Variants in MORC1 observed in about 807,000 individuals in gnomAD.
The protein encoded by MORC1 is MORC family CW-type zinc finger protein 1.
MORC1 carries 59 observed loss-of-function variants against 134.9 expected under a neutral mutation model. The ratio of observed to expected loss-of-function variants is 0.44; its 90% CI spans 0.35 to 0.54. The LOEUF (loss-of-function observed/expected upper bound fraction) is 0.54. Among genes scored for constraint, MORC1 ranks in the 20% least tolerant of loss-of-function variants. The probability of loss-of-function intolerance (pLI) is 0.00; values close to 1 mark genes in which losing one functional copy is unlikely to be tolerated. For missense variants in MORC1, 947 were observed against 1,134.5 expected (o/e 0.83, Z 2.37); for synonymous variants, 395 against 391.7 (o/e 1.01, Z -0.10).
chr3:109,085,169 T>C (rs1318139074), intron 8 of MORC1, among the ~76,000 whole-genome samples: 1 of 151,846 alleles, frequency 6.6e-6, no homozygotes, highest in East Asian at 1.9e-4. Flanking sequence ...TATCTGTGTA[T>C]GTGTCTGTGT....
intron 16 of MORC1, among the ~76,000 whole-genome samples, chr3:109,031,398 T>C (rs1396742915): frequency 1.3e-5 from 2 of 152,182 alleles, no homozygotes; most frequent in Non-Finnish European, 2.9e-5. Context: ...TCACAGCTAA[T>C]AGAACCAGGA....
Position 108,958,968 on chromosome 3 carries a change from AT to A in MORC1, c.2951del (p.Asn984IlefsTer13). 1 of 1,490,184 alleles carries A rather than the reference AT, an allele frequency of 6.7e-7. No individual in the cohort carries two copies. 92.3% of individuals were successfully genotyped at this position (1,490,184 alleles called of 1,614,324 possible). On this transcript the variant is annotated frameshift_variant, in exon 28 of 28. Transcript: ENST00000232603. LOFTEE classifies it high-confidence loss of function. ...PLEKNEKTSE[N>X] ...AAAAGGTAATACCATCTCTGACTTA[AT>A]TTTCCGAAGTCTTTTCATTTTTTTC...
intron 11 of MORC1, among the ~76,000 whole-genome samples, chr3:109,060,532 C>T (rs1048703049): frequency 3.3e-5 from 5 of 151,770 alleles, no homozygotes; most frequent in Non-Finnish European, 5.9e-5. Context: ...GCTTCATTCA[C>T]CTGAGGTGAA....
chr3:108,968,117 A>G (rs761850536), intron 26 of MORC1, among the ~76,000 whole-genome samples: 19 of 152,228 alleles, frequency 1.2e-4, no homozygotes, highest in Non-Finnish European at 2.2e-4. Context: ...GATGAAAATA[A>G]TATTAGTGGT....
At chr3:109,108,170 C>A (rs555219611) in intron 3 of MORC1, among the ~76,000 whole-genome samples, 1 of 152,144 alleles carries the variant, frequency 6.6e-6, no homozygotes, top group Non-Finnish European at 1.5e-5. Context: ...GCCTGGGCAA[C>A]AGAGTGAGAC....
chr3:109,115,374 ATCCC>A (rs1951247884), intron 1 of MORC1, among the ~76,000 whole-genome samples: 1 of 151,924 alleles, frequency 6.6e-6, no homozygotes, highest in Non-Finnish European at 1.5e-5. Flanking sequence ...GAGAGAATAT[ATCCC>A]CACATTTTGG....
chr3:108,988,082 C>T (rs1299323915), intron 21 of MORC1, among the ~76,000 whole-genome samples: 1 of 152,078 alleles, frequency 6.6e-6, no homozygotes, highest in African/African-American at 2.4e-5. Flanking sequence ...ACCTGCTAAA[C>T]AAATGTAGTC....
intron 11 of MORC1, 58 bp from the exon 12 acceptor site, chr3:109,059,928 G>A: frequency 1.4e-6 from 2 of 1,421,022 alleles, no homozygotes; most frequent in Admixed American, 3.7e-5. Flanking sequence ...CAAAAAGCAA[G>A]TTGATATTAT....
chr3:109,074,786 T>C (rs1415071100), intron 8 of MORC1, among the ~76,000 whole-genome samples: 1 of 152,176 alleles, frequency 6.6e-6, no homozygotes, highest in Non-Finnish European at 1.5e-5. Flanking sequence ...GAAAGAGGTG[T>C]TGTAGGAAAA....
intron 8 of MORC1, among the ~76,000 whole-genome samples, chr3:109,086,701 T>A (rs929726269): frequency 6.6e-6 from 1 of 152,062 alleles, no homozygotes; most frequent in African/African-American, 2.4e-5. Context: ...TCAACCTGAA[T>A]GCCCACCAAC....
At position 108,984,767 on chromosome 3, in the gene MORC1, C is replaced by T; in HGVS notation, c.2273G>A (p.Cys758Tyr). 1.2e-6 allele frequency: 2 copies of T among 1,608,234 alleles called. No homozygotes were observed. The highest frequency in any genetic ancestry group is 1.7e-6 in the Non-Finnish European group (2 of 1,178,382). Residue 758 changes from cysteine (C) to tyrosine (Y), a missense_variant, in exon 23 of 28, where the codon TGC becomes TAC. By Grantham distance (194) the Cys-to-Tyr change is radical. Around this residue, in one of 3 missense-constraint regions of MORC1, gnomAD observed 722 missense variants for 817.0 expected, o/e 0.88. Transcript: ENST00000232603. Reference protein sequence around the residue: ...PLLNQEKQELCNDVLAMKRSS... With the variant: ...PLLNQEKQELYNDVLAMKRSS... ...TCTTTTCATTGCTAGAACATCATTG[C>T]ACAGCTCCTGTTTTTCTTCAAAAGA...
chr3:109,088,858 A>T (rs932090571), intron 8 of MORC1, among the ~76,000 whole-genome samples: 7 of 152,200 alleles, frequency 4.6e-5, no homozygotes, highest in African/African-American at 1.7e-4. Flanking sequence ...AATGTGGTAC[A>T]TATACCATGG....
intron 18 of MORC1, among the ~76,000 whole-genome samples, chr3:109,006,072 CA>C (rs1454468841): frequency 6.6e-6 from 1 of 152,226 alleles, no homozygotes; most frequent in East Asian, 1.9e-4. Context: ...TGACATGTTA[CA>C]ATCTATTTCC....
chr3:109,070,026 T>TTATTCTAAG (rs1950284032), intron 8 of MORC1, among the ~76,000 whole-genome samples: 1 of 152,204 alleles, frequency 6.6e-6, no homozygotes, highest in South Asian at 2.1e-4. Context: ...CTAAGTAGAC[T>TTATTCTAAG]TATAACAGCA....
intron 17 of MORC1, among the ~76,000 whole-genome samples, chr3:109,017,870 T>C (rs1948853807): frequency 6.6e-6 from 1 of 152,242 alleles, no homozygotes; most frequent in African/African-American, 2.4e-5. Context: ...GCAAGACTAT[T>C]ACATTTCTTT....
At chr3:109,011,991 A>C (rs2107552745) in intron 17 of MORC1, among the ~76,000 whole-genome samples, 2 of 152,372 alleles carry the variant, frequency 1.3e-5, no homozygotes, top group East Asian at 3.9e-4. Context: ...TTCTTTTTAT[A>C]GATCATGCAT....
intron 2 of MORC1, among the ~76,000 whole-genome samples, chr3:109,113,964 T>C (rs1312150577): frequency 1.3e-5 from 2 of 151,956 alleles, no homozygotes; most frequent in Non-Finnish European, 2.9e-5. Flanking sequence ...ATAATGCTCA[T>C]ATATAAAGTG....
At chr3:109,066,801 A>G (rs946445536) in intron 9 of MORC1, among the ~76,000 whole-genome samples, 1 of 152,228 alleles carries the variant, frequency 6.6e-6, no homozygotes, top group African/African-American at 2.4e-5. Context: ...GGAATTCCCA[A>G]TTCACAGTGG....
chr3:108,983,826 G>A (rs1030977877), intron 23 of MORC1, among the ~76,000 whole-genome samples: 2 of 152,118 alleles, frequency 1.3e-5, no homozygotes, highest in Non-Finnish European at 2.9e-5. Context: ...GAGTTGCTGA[G>A]GGCATTCAAG....
Sources: gnomAD v4.1 joint callset for allele counts (sites outside exome capture counted in the v4.1 genomes callset) on GRCh38, gnomAD v4.1.1 for gene constraint, gnomAD v4.1.1 regional missense constraint, MANE v1.5 for transcripts, NCBI Gene and HGNC (gene_info 2026-07-23, HGNC 2026-07-21) for gene names.